The following PLXNA4 variants were observed in gnomAD, a reference collection of about 807,000 sequenced individuals.
PLXNA4 encodes the protein plexin A4.
Under a neutral mutation model 191.8 loss-of-function variants are expected in PLXNA4, and 44 were observed. The ratio of observed to expected loss-of-function variants is 0.23; its 90% CI spans 0.18 to 0.29. The LOEUF (loss-of-function observed/expected upper bound fraction) is 0.29, where lower values mean the gene tolerates loss of function less well. Among genes scored for constraint, PLXNA4 ranks in the 10% least tolerant of loss-of-function variants. The pLI is 1.00. For synonymous variants in PLXNA4, 1,082 were observed against 1,009.5 expected (o/e 1.07, Z -1.36); for missense variants, 1,800 against 2,488.8 (o/e 0.72, Z 5.89).
intron 3 of PLXNA4, among the ~76,000 whole-genome samples, chr7:132,325,896 A>C (rs1206119997): frequency 6.6e-6 from 1 of 152,190 alleles, no homozygotes; most frequent in African/African-American, 2.4e-5. Flanking sequence ...AGCGGATTCC[A>C]ACACAGCTGA....
chr7:132,294,175 A>G (rs535517440), intron 4 of PLXNA4, among the ~76,000 whole-genome samples: 2 of 152,334 alleles, frequency 1.3e-5, no homozygotes, highest in South Asian at 4.1e-4. Flanking sequence ...TCTGAGTGGA[A>G]GGCAATCTAG....
chr7:132,375,206 C>T (rs897427507), intron 3 of PLXNA4, among the ~76,000 whole-genome samples: 7 of 152,286 alleles, frequency 4.6e-5, no homozygotes, highest in South Asian at 2.1e-4. Flanking sequence ...AGAGACTGAT[C>T]GGGCTTTCCA....
intron 4 of PLXNA4, among the ~76,000 whole-genome samples, chr7:132,260,390 G>A (rs1799594834): frequency 6.6e-6 from 1 of 152,168 alleles, no homozygotes; most frequent in African/African-American, 2.4e-5. Context: ...GTTATCCTAA[G>A]CAAATTAATG....
intron 3 of PLXNA4, among the ~76,000 whole-genome samples, chr7:132,486,560 G>C (rs939068996): frequency 1.3e-5 from 2 of 152,218 alleles, no homozygotes; most frequent in African/African-American, 4.8e-5. Flanking sequence ...CTGCAGAGCA[G>C]AAAGTTTGGC....
chr7:132,181,815 T>C (rs937948516), intron 17 of PLXNA4, among the ~76,000 whole-genome samples, 195 bp from the exon 18 acceptor site: 1 of 152,192 alleles, frequency 6.6e-6, no homozygotes, highest in Non-Finnish European at 1.5e-5. Context: ...GTTTTGCCCA[T>C]AGTGGGTGTG....
At chr7:132,262,529 G>A (rs1799685182) in intron 4 of PLXNA4, among the ~76,000 whole-genome samples, 2 of 152,134 alleles carry the variant, frequency 1.3e-5, no homozygotes, top group Admixed American at 1.3e-4. Context: ...GCTGCAGGTA[G>A]GAAAGAGTTG....
intron 1 of PLXNA4, among the ~76,000 whole-genome samples, chr7:132,549,704 T>C (rs778283917): frequency 6.6e-6 from 1 of 152,220 alleles, no homozygotes; most frequent in Non-Finnish European, 1.5e-5. Context: ...GGAGGATTCC[T>C]CAGCAGTCAT....
At chr7:132,581,252 A>G (rs1436662941), upstream of PLXNA4, among the ~76,000 whole-genome samples, 2 of 152,224 alleles carry the variant, frequency 1.3e-5, no homozygotes, top group African/African-American at 4.8e-5. Context: ...TTCAAGGAAG[A>G]TGAGGGGAGG....
At chr7:132,483,419 C>A (rs1032870419) in intron 3 of PLXNA4, among the ~76,000 whole-genome samples, 1 of 152,230 alleles carries the variant, frequency 6.6e-6, no homozygotes, top group African/African-American at 2.4e-5. Flanking sequence ...TCATGTCTTT[C>A]ATCCTTTCCC....
rs1225908228 is a variant in PLXNA4 at position 132,129,821 on chromosome 7, G to A, written c.*658C>T. ...CCTCTGGAGACCTGGAAAAGGACAGGAAGCCTCTGGACACCAGCCCAGTGG... is the reference window on the plus strand; with the variant it reads ...CCTCTGGAGACCTGGAAAAGGACAGAAAGCCTCTGGACACCAGCCCAGTGG... On this transcript the variant is annotated 3_prime_UTR_variant, in exon 32 of 32. Transcript: ENST00000321063. 1 of 152,814 alleles carries A rather than the reference G, an allele frequency of 6.5e-6. No homozygotes were observed. Among genetic ancestry groups the A allele is most frequent in the East Asian group, 1.9e-4 (1 of 5,174 alleles). The allele number at this position is 152,814 out of a possible 1,614,324, so 9.5% of individuals were successfully genotyped here. A position where few individuals can be genotyped will look rare whatever the true frequency, so the allele number is the denominator to read the frequency against.
intron 4 of PLXNA4, among the ~76,000 whole-genome samples, chr7:132,249,133 T>C (rs1799160050): frequency 6.6e-6 from 1 of 152,244 alleles, no homozygotes; most frequent in Admixed American, 6.5e-5. Context: ...TTCCAAGCTG[T>C]AATCTAATCT....
chr7:132,469,615 G>A (rs751323639), intron 3 of PLXNA4, among the ~76,000 whole-genome samples: 4 of 152,228 alleles, frequency 2.6e-5, no homozygotes, highest in Non-Finnish European at 5.9e-5. Context: ...AAGCCAAGCA[G>A]AGAACATGTC....
At chr7:132,268,684 C>T (rs959756488) in intron 4 of PLXNA4, among the ~76,000 whole-genome samples, 2 of 152,192 alleles carry the variant, frequency 1.3e-5, no homozygotes, top group African/African-American at 4.8e-5. Context: ...CATGACATCT[C>T]AGACTGCTGG....
At chr7:132,311,193 T>TGTGTGTGTGTGTGTGTGCGCGCGC (rs71178034) in intron 3 of PLXNA4, among the ~76,000 whole-genome samples, 1 of 89,828 alleles carries the variant, frequency 1.1e-5, no homozygotes, top group African/African-American at 3.9e-5. Context: ...TGTGTGTGTG[T>TGTGTGTGTGTGTGTGTGCGCGCGC]GCGCGTGTGG....
At chr7:132,275,266 A>G (rs1457971261) in intron 4 of PLXNA4, among the ~76,000 whole-genome samples, 1 of 152,146 alleles carries the variant, frequency 6.6e-6, no homozygotes, top group Non-Finnish European at 1.5e-5. Context: ...AGTTGTAAAG[A>G]TAGTAAAGAG....
At chr7:132,227,088 C>T (rs969081816) in intron 7 of PLXNA4, among the ~76,000 whole-genome samples, 2 of 152,160 alleles carry the variant, frequency 1.3e-5, no homozygotes, top group African/African-American at 4.8e-5. Context: ...CATCCCTGCT[C>T]CAGCTCAGTG....
intron 29 of PLXNA4, among the ~76,000 whole-genome samples, chr7:132,143,928 A>G (rs1795341983): frequency 6.6e-6 from 1 of 152,188 alleles, no homozygotes; most frequent in Non-Finnish European, 1.5e-5. Flanking sequence ...CTGGTTTTTC[A>G]TATTCAGCAG....
chr7:132,180,492 G>T lies in PLXNA4; in HGVS notation c.3639+94C>A, dbSNP rs374649334. 16 of 1,559,214 alleles carry T rather than the reference G, an allele frequency of 1.0e-5. No homozygotes were observed. In the East Asian group the frequency reaches 1.2e-4, roughly 11 times the overall value. ...TAGCTACAGGAAAAGTTCTTTGTGG[G>T]ACAGAATCCCCTCTTGGAAAGCCTT... On this transcript the variant is annotated intron_variant, in intron 19 of 31. Transcript: ENST00000321063.
chr7:132,166,228 C>T (rs994729634), intron 22 of PLXNA4, among the ~76,000 whole-genome samples: 1 of 151,256 alleles, frequency 6.6e-6, no homozygotes. Flanking sequence ...AAACAAGAAA[C>T]TGTCCTATGG....
Sources: allele counts gnomAD v4.1 joint callset (sites outside exome capture counted in the v4.1 genomes callset), GRCh38; gene constraint gnomAD v4.1.1; transcripts MANE v1.5; gene names NCBI Gene and HGNC (gene_info 2026-07-23, HGNC 2026-07-21).